The following RPTOR variants were observed in gnomAD, a reference collection of about 807,000 sequenced individuals.
RPTOR encodes the protein regulatory-associated protein of mTOR.
In RPTOR, 21 loss-of-function variants were observed where a neutral mutation model predicts 169.9. The ratio of observed to expected loss-of-function variants is 0.12; its 90% CI spans 0.09 to 0.18. RPTOR has a LOEUF of 0.18. Ranked by LOEUF, RPTOR falls within the 10% of genes least tolerant of loss-of-function variation. The pLI, the probability that RPTOR is intolerant of heterozygous loss-of-function variation, is 1.00. For synonymous variants in RPTOR, 732 were observed against 753.2 expected (o/e 0.97, Z 0.46); for missense variants, 1,133 against 1,855.9 (o/e 0.61, Z 7.16).
Position 80,726,788 on chromosome 17 carries a change from T to A in RPTOR, c.508-3772T>A, listed in dbSNP as rs2143185304. Among the ~76,000 whole-genome samples the A allele has an allele frequency of 6.6e-6, 1 of 152,228 alleles. No homozygotes were observed. The highest frequency in any genetic ancestry group is 2.1e-4 in the South Asian group (1 of 4,808). ...GGAGGTAAATAAATAGCACGCAGTG[T>A]TCTGGGGGTAAAAAGATACACCCAT... On this transcript the variant is annotated intron_variant, in intron 4 of 33. Coordinates refer to ENST00000306801, the MANE Select transcript of RPTOR (RefSeq NM_020761.3). The surrounding 1 kb of genome is among the most constrained non-coding windows in gnomAD (Gnocchi z 4.5).
intron 7 of RPTOR, among the ~76,000 whole-genome samples, chr17:80,792,484 C>G (rs183488639): frequency 7.4e-4 from 113 of 152,240 alleles, no homozygotes; most frequent in Non-Finnish European, 1.1e-3. Flanking sequence ...GTGTGGCCAA[C>G]AGGAAGGCCG....
intron 5 of RPTOR, among the ~76,000 whole-genome samples, chr17:80,736,560 C>T (rs780779883): frequency 7.2e-5 from 11 of 152,206 alleles, no homozygotes; most frequent in East Asian, 1.9e-4. Flanking sequence ...AAATGACTAA[C>T]GTCTAGAATC....
In RPTOR at chr17:80,893,721, G is replaced by A. The variant is rs762802025; in HGVS notation, c.2257G>A (p.Ala753Thr). ...GTCTCGGGCAGCTGGTGGCGCGGTG[G>A]CGTTCTCCCCCGGAAACCTCAGCAC... The part of the protein sequence containing the change: ...SLTEESGGAV[A>T]FSPGNLSTSS... The change falls in exon 20 of 34, where the codon GCG becomes ACG. Residue 753 changes from alanine (A) to threonine (T), a missense_variant. By Grantham distance (58) the Ala-to-Thr change is moderately conservative (BLOSUM62 0). Coordinates refer to ENST00000306801, the MANE Select transcript of RPTOR (RefSeq NM_020761.3). 1.2e-6 allele frequency: 2 copies of A among 1,609,668 alleles called. No individual in the cohort carries two copies. Among genetic ancestry groups the A allele is most frequent in the South Asian group, 1.1e-5 (1 of 90,874 alleles).
intron 9 of RPTOR, among the ~76,000 whole-genome samples, chr17:80,833,545 G>A (rs527780905): frequency 1.5e-4 from 23 of 152,340 alleles, no homozygotes; most frequent in South Asian, 1.2e-3. Flanking sequence ...GGCCTCTCGT[G>A]TGTACGTAGG....
At chr17:80,876,069 G>A (rs1174408159) in intron 13 of RPTOR, among the ~76,000 whole-genome samples, 3 of 106,412 alleles carry the variant, frequency 2.8e-5, no homozygotes, top group African/African-American at 8.2e-5. Context: ...CACCGAGCCC[G>A]TGCCACGCAG....
intron 9 of RPTOR, among the ~76,000 whole-genome samples, chr17:80,836,951 T>C (rs540604817): frequency 1.3e-5 from 2 of 151,896 alleles, no homozygotes; most frequent in East Asian, 3.9e-4. Context: ...AAATAGCGTC[T>C]GGGGGTGTCG....
chr17:80,723,981 G>T (rs1301533035), intron 4 of RPTOR, among the ~76,000 whole-genome samples: 2 of 151,396 alleles, frequency 1.3e-5, no homozygotes, highest in Admixed American at 1.3e-4. Context: ...AAAGAACAAG[G>T]CTAAGCAGGG....
intron 1 of RPTOR, among the ~76,000 whole-genome samples, chr17:80,560,627 A>G (rs1352253953): frequency 1.3e-5 from 2 of 152,124 alleles, no homozygotes; most frequent in East Asian, 3.9e-4. Context: ...AGGAGCTGAG[A>G]GGTGAGTGAG....
At chr17:80,679,164 A>G (rs973713438) in intron 3 of RPTOR, among the ~76,000 whole-genome samples, 2 of 152,314 alleles carry the variant, frequency 1.3e-5, no homozygotes, top group African/African-American at 4.8e-5. Flanking sequence ...AATTGCCTGA[A>G]CTCGGGAGGC....
chr17:80,654,443 C>T (rs565283373), intron 3 of RPTOR, among the ~76,000 whole-genome samples: 1 of 152,356 alleles, frequency 6.6e-6, no homozygotes, highest in East Asian at 1.9e-4. Context: ...CCGATCAGCT[C>T]CGCTTAGCTT....
intron 4 of RPTOR, among the ~76,000 whole-genome samples, chr17:80,718,895 G>A (rs1237525931): frequency 6.6e-6 from 1 of 152,200 alleles, no homozygotes; most frequent in Non-Finnish European, 1.5e-5. Flanking sequence ...ACTGGCTAGA[G>A]AAACTCCAGG....
At chr17:80,672,266 A>T (rs1246995072) in intron 3 of RPTOR, among the ~76,000 whole-genome samples, 2 of 152,088 alleles carry the variant, frequency 1.3e-5, no homozygotes, top group Admixed American at 1.3e-4. Context: ...TTGTTCACTC[A>T]CATTAAGATT....
intron 5 of RPTOR, chr17:80,743,317 C>T (rs77750710): frequency 0.11 from 107,829 of 985,454 alleles, 6,248 homozygotes; most frequent in African/African-American, 0.18. Context: ...GGGGGCAGGG[C>T]GCTCTTGCAG....
At chr17:80,648,378 T>A (rs2065613166) in intron 3 of RPTOR, among the ~76,000 whole-genome samples, 1 of 152,036 alleles carries the variant, frequency 6.6e-6, no homozygotes, top group African/African-American at 2.4e-5. Context: ...AATTCCATGT[T>A]GTTTAGGGGT....
rs1567814617 is a variant in RPTOR at position 80,601,553 on chromosome 17, G to GGCTTTTTTTTTT, written c.163-24138_163-24137insGCTTTTTTTTTT. On this transcript the variant is annotated intron_variant, in intron 1 of 33. Coordinates refer to ENST00000306801, the MANE Select transcript of RPTOR (RefSeq NM_020761.3). ...TGCTGCTGTTGGTGAAGATGGTTCA[G>GGCTTTTTTTTTT]TCTTTTTTTTTTTTTTTTTAAATTT... is the stretch of plus-strand genomic sequence containing the variant. Among the ~76,000 whole-genome samples the GGCTTTTTTTTTT allele has an allele frequency of 3.9e-3, 34 of 8,652 alleles. 6 individuals are homozygous for GGCTTTTTTTTTT. Among genetic ancestry groups the GGCTTTTTTTTTT allele is most frequent in the African/African-American group, 7.5e-3 (29 of 3,854 alleles). 5.7% of individuals were successfully genotyped at this position (8,652 alleles called of 152,430 possible). A position where few individuals can be genotyped will look rare whatever the true frequency, so the allele number is the denominator to read the frequency against.
Position 80,545,508 on chromosome 17 carries a change from C to A in RPTOR, c.-122C>A. The A allele has an allele frequency of 1.4e-6, 1 of 737,168 alleles. No homozygotes were observed. The highest frequency in any genetic ancestry group is 2.3e-6 in the Non-Finnish European group (1 of 439,938). 45.7% of individuals were successfully genotyped at this position (737,168 alleles called of 1,614,324 possible). On this transcript the variant is annotated 5_prime_UTR_variant, in exon 1 of 34. Transcript: ENST00000306801. ...AGTAAGGGTCTCCGCACTCTTTATCCATTTGGTTTTCGATTTCCCGTTTTT... is the reference window on the plus strand; with the variant it reads ...AGTAAGGGTCTCCGCACTCTTTATCAATTTGGTTTTCGATTTCCCGTTTTT...
intron 6 of RPTOR, among the ~76,000 whole-genome samples, chr17:80,779,895 G>A (rs1225735165): frequency 1.3e-5 from 2 of 152,126 alleles, no homozygotes; most frequent in Non-Finnish European, 2.9e-5. Context: ...AGTGAGCTCC[G>A]TTCTCGGGGT....
intron 1 of RPTOR, among the ~76,000 whole-genome samples, chr17:80,549,664 GGACA>G (rs2084321549): frequency 2.6e-5 from 4 of 152,190 alleles, no homozygotes; most frequent in Non-Finnish European, 5.9e-5. Flanking sequence ...ACTGGAAAGT[GGACA>G]GTGGGGATAA....
intron 6 of RPTOR, among the ~76,000 whole-genome samples, chr17:80,762,301 G>C (rs1455898553): frequency 1.3e-5 from 2 of 152,176 alleles, no homozygotes; most frequent in African/African-American, 4.8e-5. Flanking sequence ...TGATCCTGGA[G>C]GGAGCCCACT....
Sources: allele counts gnomAD v4.1 joint callset (sites outside exome capture counted in the v4.1 genomes callset), GRCh38; gene constraint gnomAD v4.1.1; non-coding constraint Gnocchi (gnomAD v3.1); transcripts MANE v1.5; gene names NCBI Gene and HGNC (gene_info 2026-07-23, HGNC 2026-07-21).